Variants in PLEKHA6 observed in about 807,000 individuals in gnomAD.
The protein encoded by PLEKHA6 is pleckstrin homology domain-containing family A member 6.
PLEKHA6 carries 60 observed loss-of-function variants against 116.7 expected under a neutral mutation model. That is an observed-to-expected ratio of 0.51 (90% confidence interval 0.42 to 0.64). PLEKHA6 has a LOEUF of 0.64. Among genes scored for constraint, PLEKHA6 ranks in the 30% least tolerant of loss-of-function variants. The pLI, the probability that PLEKHA6 is intolerant of heterozygous loss-of-function variation, is 0.00. For synonymous variants in PLEKHA6, 489 were observed against 556.1 expected (o/e 0.88, Z 1.70); for missense variants, 1,338 against 1,422.7 (o/e 0.94, Z 0.96).
chr1:204,239,146 A>G (rs1204022155), intron 17 of PLEKHA6, among the ~76,000 whole-genome samples: 1 of 152,228 alleles, frequency 6.6e-6, no homozygotes, highest in Non-Finnish European at 1.5e-5. Context: ...AATCAAGTGG[A>G]TAGGATGACC....
chr1:204,232,188 T>C (rs1661283500), intron 17 of PLEKHA6, among the ~76,000 whole-genome samples: 1 of 152,232 alleles, frequency 6.6e-6, no homozygotes, highest in Non-Finnish European at 1.5e-5. Flanking sequence ...AACTTAGATA[T>C]TTAGCTGAGG....
chr1:204,245,847 TACACAC>T (rs58927549), intron 13 of PLEKHA6, 121 bp from the exon 14 acceptor site: 269,950 of 550,130 alleles, frequency 0.49, 42,224 homozygotes, highest in African/African-American at 0.58. Context: ...GCACCCTGTG[TACACAC>T]ACACACACAC....
intron 1 of PLEKHA6, among the ~76,000 whole-genome samples, chr1:204,289,444 C>T (rs1669525263): frequency 6.6e-6 from 1 of 152,146 alleles, no homozygotes; most frequent in Non-Finnish European, 1.5e-5. Flanking sequence ...TCCTGTTTGC[C>T]TATCAGTAGC....
At chr1:204,244,461 C>T (rs900166434) in intron 15 of PLEKHA6, among the ~76,000 whole-genome samples, 1 of 152,120 alleles carries the variant, frequency 6.6e-6, no homozygotes, top group Admixed American at 6.5e-5. Context: ...AAGAGGGCCT[C>T]ATGGTACCCC....
Position 204,325,983 on chromosome 1 carries a change from C to T in PLEKHA6, c.-95+33711G>A, listed in dbSNP as rs565993406. The T allele has an allele frequency of 5.0e-6, 4 of 798,684 alleles. 1 individual carries two copies. In the South Asian group the frequency reaches 2.3e-4, roughly 45 times the overall value. The allele number at this position is 798,684 out of a possible 1,614,324, so 49.5% of individuals were successfully genotyped here. ...AGGGGCAGAGTCCCTCTGCCCACAG[C>T]AAGCCCCATTCCTCACCCTGCCCAG... On this transcript the variant is annotated intron_variant, in intron 1 of 22. Coordinates refer to ENST00000272203, the MANE Select transcript of PLEKHA6 (RefSeq NM_014935.5).
At chr1:204,333,910 C>A (rs958241189) in intron 1 of PLEKHA6, among the ~76,000 whole-genome samples, 2 of 152,240 alleles carry the variant, frequency 1.3e-5, no homozygotes, top group African/African-American at 4.8e-5. Context: ...ATTCTTTATG[C>A]TCCTGATCAT....
intron 1 of PLEKHA6, among the ~76,000 whole-genome samples, chr1:204,339,641 G>A (rs1309477741): frequency 6.6e-6 from 1 of 152,098 alleles, no homozygotes; most frequent in Non-Finnish European, 1.5e-5. Context: ...ATAACTAGGG[G>A]GAAAATCAGT....
intron 1 of PLEKHA6, among the ~76,000 whole-genome samples, chr1:204,310,677 C>T (rs1357668246): frequency 6.6e-6 from 1 of 152,180 alleles, no homozygotes; most frequent in Non-Finnish European, 1.5e-5. Flanking sequence ...TATACAAATG[C>T]CTTATACGTA....
At chr1:204,325,653 G>A (rs1672215934) in intron 1 of PLEKHA6, among the ~76,000 whole-genome samples, 1 of 152,122 alleles carries the variant, frequency 6.6e-6, no homozygotes. Context: ...ATCTGGATGG[G>A]TTTTCCTTCC....
At chr1:204,346,910 T>C in intron 1 of PLEKHA6, 1 of 1,272,590 alleles carries the variant, frequency 7.9e-7, no homozygotes, top group Non-Finnish European at 1.1e-6. Flanking sequence ...TTGGCTTCTT[T>C]CTTTTTCTGA....
At chr1:204,291,920 T>A (rs1201262914) in intron 1 of PLEKHA6, among the ~76,000 whole-genome samples, 2 of 152,114 alleles carry the variant, frequency 1.3e-5, no homozygotes, top group Non-Finnish European at 2.9e-5. Context: ...CCTCAATAAA[T>A]CTATAAAAAA....
At chr1:204,353,342 T>TA (rs1673335140) in intron 1 of PLEKHA6, among the ~76,000 whole-genome samples, 1 of 152,218 alleles carries the variant, frequency 6.6e-6, no homozygotes, top group Non-Finnish European at 1.5e-5. Flanking sequence ...TCATGAGTGT[T>TA]TCTCTGTGCC....
At chr1:204,349,657 G>A (rs1489433774) in intron 1 of PLEKHA6, among the ~76,000 whole-genome samples, 3 of 151,988 alleles carry the variant, frequency 2.0e-5, no homozygotes, top group Non-Finnish European at 4.4e-5. Flanking sequence ...GACCCAGCTC[G>A]AGCCTTGGCT....
At chr1:204,319,886 T>G (rs1671994137) in intron 1 of PLEKHA6, among the ~76,000 whole-genome samples, 1 of 150,982 alleles carries the variant, frequency 6.6e-6, no homozygotes, top group Non-Finnish European at 1.5e-5. Flanking sequence ...GGAGGAAGAG[T>G]GGGTGAGTGG....
At chr1:204,316,017 C>T (rs1671843970) in intron 1 of PLEKHA6, among the ~76,000 whole-genome samples, 1 of 152,140 alleles carries the variant, frequency 6.6e-6, no homozygotes. Context: ...TATAAGCTTG[C>T]TTATTCCTCA....
chr1:204,268,406 T>C (rs1010522135), intron 3 of PLEKHA6, 94 bp from the exon 4 acceptor site: 4 of 787,076 alleles, frequency 5.1e-6, no homozygotes, highest in African/African-American at 1.7e-5. Context: ...TGCTTCTCCC[T>C]AGGGTTAACC....
At position 204,248,849 on chromosome 1, in the gene PLEKHA6, A is replaced by C. The variant is rs139222464; in HGVS notation, c.1796T>G (p.Ile599Ser). Residue 599 changes from isoleucine (I) to serine (S), a missense_variant, in exon 12 of 23, where the codon ATC becomes AGC. By Grantham distance (142) the Ile-to-Ser change is moderately radical (BLOSUM62 -2). Transcript: ENST00000272203. Reference protein sequence around the residue: ...KDSLQNQLINIRVELSQATTA... With the variant: ...KDSLQNQLINSRVELSQATTA... Reference sequence around the variant, plus strand: ...GGTCGCCTGAGACAGCTCCACGCGGATGTTGATGAGCTGGTTCTGCAGTGA... The same window carrying C: ...GGTCGCCTGAGACAGCTCCACGCGGCTGTTGATGAGCTGGTTCTGCAGTGA... 2.7e-4 allele frequency: 434 copies of C among 1,613,858 alleles called. No homozygotes were observed. Among genetic ancestry groups the C allele is most frequent in the Non-Finnish European group, 3.6e-4 (421 of 1,179,974 alleles).
At chr1:204,376,364 T>C (rs1209470315) in intron 1 of PLEKHA6, among the ~76,000 whole-genome samples, 3 of 152,254 alleles carry the variant, frequency 2.0e-5, no homozygotes, top group Non-Finnish European at 4.4e-5. Flanking sequence ...CTTGGGTGAT[T>C]CTTATAAACT....
chr1:204,327,071 C>G (rs1045004814), intron 1 of PLEKHA6: 56 of 899,644 alleles, frequency 6.2e-5, no homozygotes, highest in Admixed American at 1.9e-4. Context: ...TCCTCCTCCT[C>G]CTGGGATAGA....
Sources: allele counts gnomAD v4.1 joint callset (sites outside exome capture counted in the v4.1 genomes callset), GRCh38; gene constraint gnomAD v4.1.1; transcripts MANE v1.5; gene names NCBI Gene and HGNC (gene_info 2026-07-23, HGNC 2026-07-21).